ATL3: variants seen among roughly 807,000 people sequenced by gnomAD.
ATL3 encodes the protein atlastin-3.
In ATL3, 49 loss-of-function variants were observed where a neutral mutation model predicts 69.5. The observed-to-expected ratio is 0.71, with a 90% CI of 0.56 to 0.89. The LOEUF (loss-of-function observed/expected upper bound fraction) is 0.89, where lower values mean the gene tolerates loss of function less well. ATL3 is among the 40% of genes least tolerant of loss of function. The pLI, the probability that ATL3 is intolerant of heterozygous loss-of-function variation, is 0.00. For synonymous variants in ATL3, 214 were observed against 224.1 expected (o/e 0.95, Z 0.40); for missense variants, 606 against 645.7 (o/e 0.94, Z 0.67).
Position 63,667,119 on chromosome 11 carries a change from C to T in ATL3, c.46+4171G>A, listed in dbSNP as rs545383616. On this transcript the variant is annotated intron_variant, in intron 1 of 12. Coordinates refer to ENST00000398868, the MANE Select transcript of ATL3 (RefSeq NM_015459.5). ...TATCCACACTGTATATGCTACCATGCCCATTAGTTATTTAGTAGCCTTCTC... is the reference window on the plus strand; with the variant it reads ...TATCCACACTGTATATGCTACCATGTCCATTAGTTATTTAGTAGCCTTCTC... Among the ~76,000 whole-genome samples, 3 of 152,264 alleles carry T rather than the reference C, an allele frequency of 2.0e-5. No homozygotes were observed. In the South Asian group the frequency reaches 6.2e-4, roughly 32 times the overall value.
intron 9 of ATL3, 112 bp from the exon 10 acceptor site, chr11:63,635,702 A>G: frequency 3.7e-6 from 3 of 806,600 alleles, no homozygotes; most frequent in Non-Finnish European, 5.9e-6. Flanking sequence ...ACTTAGGTCA[A>G]CAACCAGGAA....
intron 2 of ATL3, 39 bp downstream of exon 2, chr11:63,658,999 G>A (rs776258243): frequency 1.2e-6 from 2 of 1,606,936 alleles, no homozygotes; most frequent in Admixed American, 1.7e-5. Flanking sequence ...GGACATTAAA[G>A]TCTCACTTTT....
chr11:63,633,522 G>C (rs551688160), intron 10 of ATL3, among the ~76,000 whole-genome samples: 1 of 151,906 alleles, frequency 6.6e-6, no homozygotes, highest in South Asian at 2.1e-4. Context: ...CCTCCTGCCA[G>C]TGCGTGCCAC....
At chr11:63,644,997 C>T (rs1939821730) in intron 6 of ATL3, among the ~76,000 whole-genome samples, 1 of 152,106 alleles carries the variant, frequency 6.6e-6, no homozygotes, top group South Asian at 2.1e-4. Flanking sequence ...AGGAGAATCA[C>T]TTGAACCCAG....
Position 63,631,433 on chromosome 11 carries a change from A to C in ATL3, c.1146T>G (p.Ile382Met). The C allele has an allele frequency of 6.2e-7, 1 of 1,613,478 alleles. No individual in the cohort carries two copies. The highest frequency in any genetic ancestry group is 1.3e-5 in the African/African-American group (1 of 74,972). The change falls in exon 12 of 13, where the codon ATT becomes ATG. Residue 382 changes from isoleucine (I) to methionine (M), a missense_variant. Ile to Met is a conservative substitution (Grantham distance 10). Transcript: ENST00000398868. ...GGEKPYLSPD[I>M]LEEKHCEFKQ... ...TGAATTCACAGTGCTTCTCCTCTAG[A>C]ATGTCTGGAGACAAATAAGGTTTCT...
intron 3 of ATL3, among the ~76,000 whole-genome samples, chr11:63,657,652 T>C (rs1940298032): frequency 6.6e-6 from 1 of 152,230 alleles, no homozygotes; most frequent in Non-Finnish European, 1.5e-5. Context: ...CCTTTTAAAC[T>C]ATATTCATGC....
Position 63,644,350 on chromosome 11 carries a change from T to A in ATL3, c.619-89A>T, listed in dbSNP as rs140927104. On this transcript the variant is annotated intron_variant, in intron 6 of 12. Coordinates refer to ENST00000398868, the MANE Select transcript of ATL3 (RefSeq NM_015459.5). ...CAATACATCTTTGCATAATGCCAGC[T>A]TCTACAAAGGGGGTAAAGTAGAAGG... 37 of 773,556 alleles carry A rather than the reference T, an allele frequency of 4.8e-5. No individual in the cohort carries two copies. In the African/African-American group the frequency reaches 6.0e-4, roughly 12 times the overall value. The allele number at this position is 773,556 out of a possible 1,614,324, so 47.9% of individuals were successfully genotyped here.
intron 1 of ATL3, among the ~76,000 whole-genome samples, chr11:63,670,733 G>A (rs1940743424): frequency 6.6e-6 from 1 of 152,288 alleles, no homozygotes; most frequent in African/African-American, 2.4e-5. Flanking sequence ...CTTGTGGTCA[G>A]TGCCTCAAGG....
intron 1 of ATL3, among the ~76,000 whole-genome samples, chr11:63,670,967 C>T (rs1234324059): frequency 6.6e-6 from 1 of 152,132 alleles, no homozygotes; most frequent in African/African-American, 2.4e-5. Context: ...CCCACGGGGA[C>T]CACCGGCCCT....
chr11:63,636,036 A>G (rs1339505730), intron 9 of ATL3, among the ~76,000 whole-genome samples, 171 bp downstream of exon 9: 1 of 151,392 alleles, frequency 6.6e-6, no homozygotes, highest in Non-Finnish European at 1.5e-5. Flanking sequence ...TTAGACCGAT[A>G]CTGCCACCCA....
At chr11:63,632,926 T>C (rs769677378) in intron 11 of ATL3, 100 bp downstream of exon 11, 2 of 1,061,108 alleles carry the variant, frequency 1.9e-6, no homozygotes, top group Admixed American at 2.0e-5. Context: ...TATTGCCTCA[T>C]CACTTAAAGA....
intron 6 of ATL3, among the ~76,000 whole-genome samples, chr11:63,645,871 G>A (rs746989078): frequency 6.6e-6 from 1 of 151,816 alleles, no homozygotes; most frequent in Non-Finnish European, 1.5e-5. Context: ...AGGCTCGAGC[G>A]ACTCTCCTGC....
chr11:63,667,994 A>G (rs1227564269), intron 1 of ATL3, among the ~76,000 whole-genome samples: 2 of 152,140 alleles, frequency 1.3e-5, no homozygotes, highest in Non-Finnish European at 2.9e-5. Context: ...GGGCAGGAAG[A>G]GGCAATATTA....
In ATL3 at chr11:63,631,416, C is replaced by T. The variant is rs185708855; in HGVS notation, c.1163G>A (p.Cys388Tyr). 20 of 1,614,152 alleles carry T rather than the reference C, an allele frequency of 1.2e-5. No homozygotes were observed. The East Asian group carries it at 4.0e-4, about 32-fold the overall frequency. The change falls in exon 12 of 13, where the codon TGT (cysteine) becomes TAT (tyrosine). Residue 388 changes from cysteine (C) to tyrosine (Y), a missense_variant. Cys to Tyr is a radical substitution (Grantham distance 194). Transcript: ENST00000398868. ...GTCCAGAGCAAGTTGTTTGAATTCA[C>T]AGTGCTTCTCCTCTAGAATGTCTGG... ...LSPDILEEKH[C>Y]EFKQLALDHF...
rs75926717 is a variant in ATL3, at chr11:63,666,331, G to A, written c.46+4959C>T. ...TGGGATTACAGGCGTGAGCCACCGC[G>A]CCCGGCCTACCCTCTATTTGGATGA... On this transcript the variant is annotated intron_variant, in intron 1 of 12. Transcript: ENST00000398868. 1.5e-3 allele frequency among the ~76,000 whole-genome samples: 235 copies of A among 152,210 alleles called. 5 individuals carry two copies. The East Asian group carries it at 0.038, about 25-fold the overall frequency.
At chr11:63,629,790 G>A (rs746370246) in intron 12 of ATL3, among the ~76,000 whole-genome samples, 2 of 152,192 alleles carry the variant, frequency 1.3e-5, no homozygotes, top group African/African-American at 2.4e-5. Flanking sequence ...TTGGGAGGCT[G>A]AGGTGGGAGG....
chr11:63,648,428 G>A (rs1939958629), intron 5 of ATL3, among the ~76,000 whole-genome samples: 1 of 152,212 alleles, frequency 6.6e-6, no homozygotes, highest in Non-Finnish European at 1.5e-5. Context: ...ATCCAAACCA[G>A]TACACAAGGC....
intron 8 of ATL3, among the ~76,000 whole-genome samples, 197 bp from the exon 9 acceptor site, chr11:63,636,531 G>T (rs1003090632): frequency 1.3e-5 from 2 of 152,176 alleles, no homozygotes; most frequent in African/African-American, 2.4e-5. Flanking sequence ...CTAAGGTCAG[G>T]AGTTCGAGAC....
upstream of ATL3, chr11:63,671,873 C>G: frequency 2.2e-6 from 1 of 448,306 alleles, no homozygotes; most frequent in South Asian, 2.7e-5. Context: ...GAGGCTTTAT[C>G]CTGGAACCAC....
Sources: gnomAD v4.1 joint callset for allele counts (sites outside exome capture counted in the v4.1 genomes callset) on GRCh38, gnomAD v4.1.1 for gene constraint, MANE v1.5 for transcripts, NCBI Gene and HGNC (gene_info 2026-07-23, HGNC 2026-07-21) for gene names.